The following A1CF variants were observed in gnomAD, a reference collection of about 807,000 sequenced individuals.
The protein encoded by A1CF is APOBEC1 complementation factor.
A neutral mutation model predicts 68.9 loss-of-function variants in A1CF; 48 were observed. That is an observed-to-expected ratio of 0.70 (90% confidence interval 0.55 to 0.89). The LOEUF (loss-of-function observed/expected upper bound fraction) is 0.89, where lower values mean the gene tolerates loss of function less well. Among genes scored for constraint, A1CF ranks in the 40% least tolerant of loss-of-function variants. The pLI, the probability that A1CF is intolerant of heterozygous loss-of-function variation, is 0.00. For missense variants in A1CF, 653 were observed against 718.9 expected, an observed-to-expected ratio of 0.91 and a Z score of 1.05; for synonymous variants, 272 against 260.4, an observed-to-expected ratio of 1.04 and a Z score of -0.43.
At chr10:50,825,233 C>T (rs562846554) in intron 7 of A1CF, among the ~76,000 whole-genome samples, 7 of 152,188 alleles carry the variant, frequency 4.6e-5, no homozygotes, top group Admixed American at 4.6e-4. Flanking sequence ...CACCATGGCC[C>T]ACCCTTATTA....
At chr10:50,846,611 T>C (rs1246284258) in intron 3 of A1CF, among the ~76,000 whole-genome samples, 1 of 152,238 alleles carries the variant, frequency 6.6e-6, no homozygotes, top group Non-Finnish European at 1.5e-5. Flanking sequence ...TGAATAGCTT[T>C]GATAGTTTGA....
At chr10:50,839,072 C>T (rs189057978) in intron 5 of A1CF, among the ~76,000 whole-genome samples, 261 of 152,232 alleles carry the variant, frequency 1.7e-3, no homozygotes, top group Middle Eastern at 3.4e-3. Flanking sequence ...TTTCAAAACA[C>T]CTCATGAGGT....
At position 50,816,145 on chromosome 10, in the gene A1CF, A is replaced by T; in HGVS notation, c.1002T>A (p.Val334=). Residue 334 remains valine, a synonymous_variant, in exon 9 of 13, where the codon GTT becomes GTA. Coordinates refer to ENST00000373997, the MANE Select transcript of A1CF (RefSeq NM_014576.4). ...QGEYTYSLGQ[V]YDPTTTYLGA... is the part of the protein sequence containing the mutation. ...CAAGGTAGGTTGTGGTGGGATCATA[A>T]ACTTGGCCCAAAGAGTAGGTATACT... 3.1e-6 allele frequency: 5 copies of T among 1,613,866 alleles called. No individual in the cohort carries two copies. The highest frequency in any genetic ancestry group is 4.2e-6 in the Non-Finnish European group (5 of 1,179,888).
At chr10:50,806,910 A>G in intron 12 of A1CF, 30 bp from the exon 13 acceptor site, 1 of 1,590,596 alleles carries the variant, frequency 6.3e-7, no homozygotes, top group South Asian at 1.2e-5. Context: ...AAACTTGATG[A>G]AAGGAATTCA....
Position 50,883,520 on chromosome 10 carries a change from G to A in A1CF, c.-94+2061C>T, listed in dbSNP as rs1211525676. ...CATAGTCCTATTTGGTGGAAGACTA[G>A]ACTCTAAAGTCCTTTAGATTTTTCA... On this transcript the variant is annotated intron_variant, in intron 1 of 12. Transcript: ENST00000373997. 2.0e-5 allele frequency among the ~76,000 whole-genome samples: 3 copies of A among 152,166 alleles called. No individual in the cohort carries two copies. The East Asian group carries it at 5.8e-4, about 29-fold the overall frequency.
chr10:50,872,291 A>T (rs1841304720), intron 1 of A1CF, among the ~76,000 whole-genome samples: 1 of 152,176 alleles, frequency 6.6e-6, no homozygotes, highest in Non-Finnish European at 1.5e-5. Flanking sequence ...ATGTTCTGAA[A>T]ATTTTAAACA....
intron 5 of A1CF, among the ~76,000 whole-genome samples, chr10:50,838,904 A>G (rs1465280283): frequency 6.6e-6 from 1 of 152,042 alleles, no homozygotes; most frequent in Non-Finnish European, 1.5e-5. Flanking sequence ...CTTTGACTGG[A>G]ATTTTGGCCA....
At chr10:50,837,164 T>C (rs1839541222) in intron 5 of A1CF, among the ~76,000 whole-genome samples, 1 of 152,206 alleles carries the variant, frequency 6.6e-6, no homozygotes. Flanking sequence ...AAAAAGACTG[T>C]GAGATCGGCA....
At chr10:50,835,304 G>A (rs1839435470) in intron 6 of A1CF, among the ~76,000 whole-genome samples, 1 of 151,812 alleles carries the variant, frequency 6.6e-6, no homozygotes. Context: ...TCTTTGTTGT[G>A]GTTGTTTTGT....
In A1CF at chr10:50,809,874, C is replaced by A. The variant is rs369540563; in HGVS notation, c.1609+20G>T. ...AAATACTCTCTGCAGGGCGCCATTT[C>A]TGGCACAATTTTCCCATACCTGGGA... On this transcript the variant is annotated intron_variant, in intron 12 of 12. Coordinates refer to ENST00000373997, the MANE Select transcript of A1CF (RefSeq NM_014576.4). 6.4e-5 allele frequency: 103 copies of A among 1,613,400 alleles called. No homozygotes were observed. Among genetic ancestry groups the A allele is most frequent in the Non-Finnish European group, 7.2e-5 (85 of 1,179,732 alleles).
chr10:50,834,823 A>C (rs1477990167), intron 6 of A1CF, among the ~76,000 whole-genome samples: 1 of 152,218 alleles, frequency 6.6e-6, no homozygotes, highest in Non-Finnish European at 1.5e-5. Context: ...ATCTTGAAAA[A>C]AATTACATAA....
Position 50,836,216 on chromosome 10 carries a change from C to T in A1CF, c.462G>A (p.Ser154=), listed in dbSNP as rs76706180. Residue 154 remains serine (S), a synonymous_variant, in exon 6 of 13, where the codon TCG becomes TCA. Coordinates refer to ENST00000373997, the MANE Select transcript of A1CF (RefSeq NM_014576.4). ...CACCTTCAGTAACCTTTTTCATCTC[C>T]GATAAGATTTCTTCTCTCTTTTTGG... ...PKTKKREEIL[S]EMKKVTEGVV... The T allele has an allele frequency of 4.1e-4, 663 of 1,614,006 alleles. 3 individuals are homozygous for T. The African/African-American group carries it at 7.2e-3, about 17-fold the overall frequency.
chr10:50,841,719 T>G, intron 5 of A1CF, 143 bp downstream of exon 5: 1 of 906,620 alleles, frequency 1.1e-6, no homozygotes, highest in Non-Finnish European at 1.6e-6. Flanking sequence ...ATCAAATTTA[T>G]TTTTGCCAAG....
chr10:50,846,217 T>G (rs941609142), intron 3 of A1CF, among the ~76,000 whole-genome samples: 5 of 152,188 alleles, frequency 3.3e-5, no homozygotes, highest in Non-Finnish European at 7.3e-5. Flanking sequence ...AAAATTACCT[T>G]CAAGCTATGT....
At chr10:50,872,549 C>A (rs1056289951) in intron 1 of A1CF, among the ~76,000 whole-genome samples, 29 of 152,178 alleles carry the variant, frequency 1.9e-4, no homozygotes, top group African/African-American at 7.0e-4. Flanking sequence ...ATCTACCCTG[C>A]CTGCCTTAAA....
chr10:50,863,888 G>A (rs1202626992), intron 2 of A1CF, 145 bp downstream of exon 2: 1 of 152,074 alleles, frequency 6.6e-6, no homozygotes, highest in Non-Finnish European at 1.5e-5. Context: ...AACATAAAGA[G>A]AAAATAAATG....
At chr10:50,848,830 T>C (rs1840111797) in intron 3 of A1CF, among the ~76,000 whole-genome samples, 1 of 152,158 alleles carries the variant, frequency 6.6e-6, no homozygotes, top group Non-Finnish European at 1.5e-5. Context: ...CCTTGCTTAG[T>C]AGCATTTCAA....
intron 3 of A1CF, among the ~76,000 whole-genome samples, chr10:50,853,748 CA>C: frequency 1.2e-5 from 1 of 80,716 alleles, no homozygotes; most frequent in East Asian, 2.8e-4. Context: ...TTGGAGTCAG[CA>C]ATTTTTTTTT....
chr10:50,814,623 C>A (rs1838280391), intron 9 of A1CF, among the ~76,000 whole-genome samples: 1 of 152,172 alleles, frequency 6.6e-6, no homozygotes, highest in Non-Finnish European at 1.5e-5. Context: ...GAGTTTCATG[C>A]ATAGATTCCT....
Sources: gnomAD v4.1 joint callset for allele counts (sites outside exome capture counted in the v4.1 genomes callset) on GRCh38, gnomAD v4.1.1 for gene constraint, MANE v1.5 for transcripts, NCBI Gene and HGNC (gene_info 2026-07-23, HGNC 2026-07-21) for gene names.